The following NPEPPS variants were observed in gnomAD, a reference collection of about 807,000 sequenced individuals.
The protein encoded by NPEPPS is aminopeptidase puromycin sensitive, also known as puromycin-sensitive aminopeptidase.
NPEPPS carries 14 observed loss-of-function variants against 115.5 expected under a neutral mutation model. That is an observed-to-expected ratio of 0.12 (90% confidence interval 0.08 to 0.19). The LOEUF is 0.19. NPEPPS is among the 10% of genes least tolerant of loss of function. NPEPPS has a pLI of 1.00. For synonymous variants in NPEPPS, 285 were observed against 390.6 expected, an observed-to-expected ratio of 0.73 and a Z score of 3.19; for missense variants, 523 against 1,110.8, an observed-to-expected ratio of 0.47 and a Z score of 7.52.
At chr17:47,557,505 C>T (rs1251340151) in intron 2 of NPEPPS, 9 of 147,672 alleles carry the variant, frequency 6.1e-5, no homozygotes, top group Admixed American at 2.7e-4. Flanking sequence ...CTTCACTTGA[C>T]TACCCTTAAA....
At chr17:47,597,672 G>A (rs1304378631) in intron 13 of NPEPPS, among the ~76,000 whole-genome samples, 3 of 152,106 alleles carry the variant, frequency 2.0e-5, no homozygotes, top group East Asian at 1.9e-4. Context: ...CCCAGCCAAA[G>A]CCAAGTATGT....
chr17:47,585,872 C>T (rs922928868), intron 6 of NPEPPS, 172 bp downstream of exon 6: 4 of 637,336 alleles, frequency 6.3e-6, no homozygotes, highest in Non-Finnish European at 1.1e-5. Flanking sequence ...CATTATTTTA[C>T]AAAATAATAA....
At chr17:47,613,644 A>C in intron 18 of NPEPPS, 25 bp from the exon 19 acceptor site, 1 of 1,569,746 alleles carries the variant, frequency 6.4e-7, no homozygotes, top group Non-Finnish European at 8.8e-7. Context: ...ATTTAATCAA[A>C]TGACTTATTT....
Position 47,585,651 on chromosome 17 carries a change from G to A in NPEPPS, c.800G>A (p.Arg267His). ...AGGTCAAAAGATGGTGTGTGTGTCC[G>A]TGTTTACACTCCTGTTGGCAAAGCA... ...ETRSKDGVCV[R>H]VYTPVGKAEQ... Residue 267 changes from arginine (R) to histidine (H), a missense_variant, in exon 6 of 23, where the codon CGT becomes CAT. Transcript: ENST00000322157. 3.1e-6 allele frequency: 5 copies of A among 1,613,916 alleles called. No individual in the cohort carries two copies. Among genetic ancestry groups the A allele is most frequent in the Non-Finnish European group, 4.2e-6 (5 of 1,179,878 alleles).
In NPEPPS at chr17:47,602,957, TAAAG is replaced by T. The variant is rs141427356; in HGVS notation, c.1741-957_1741-954del. On this transcript the variant is annotated intron_variant, in intron 15 of 22. Transcript: ENST00000322157. ...ACACTACAATTTTGATTAGGTTAAA[TAAAG>T]GGAATCAATAAAGTGATAGTTGCGT... is the stretch of plus-strand genomic sequence containing the variant. 5.8e-3 allele frequency among the ~76,000 whole-genome samples: 882 copies of T among 152,200 alleles called. 10 individuals are homozygous for T. Among genetic ancestry groups the T allele is most frequent in the African/African-American group, 0.02 (820 of 41,538 alleles).
chr17:47,608,426 C>T (rs1487282636), intron 17 of NPEPPS, among the ~76,000 whole-genome samples: 3 of 148,468 alleles, frequency 2.0e-5, no homozygotes, highest in Non-Finnish European at 4.4e-5. Flanking sequence ...TGCGCTCCAG[C>T]CTGGGCAACA....
chr17:47,618,556 A>T, intron 20 of NPEPPS, 99 bp downstream of exon 20: 1 of 754,490 alleles, frequency 1.3e-6, no homozygotes, highest in Non-Finnish European at 2.2e-6. Flanking sequence ...CCTTAACCCT[A>T]ACTAAAGCTT....
At chr17:47,611,198 G>A (rs1225714509) in intron 17 of NPEPPS, among the ~76,000 whole-genome samples, 9 of 151,858 alleles carry the variant, frequency 5.9e-5, no homozygotes, top group Middle Eastern at 3.4e-3. Context: ...AGTGGCTCAC[G>A]CTTGTAATCC....
At chr17:47,524,032 G>T (rs1003609797) in intron 1 of NPEPPS, among the ~76,000 whole-genome samples, 1 of 150,920 alleles carries the variant, frequency 6.6e-6, no homozygotes, top group African/African-American at 2.4e-5. Context: ...TCGGCCGAGC[G>T]CAGTGGCTCA....
intron 22 of NPEPPS, chr17:47,620,015 C>A: frequency 2.4e-6 from 1 of 409,088 alleles, no homozygotes; most frequent in Non-Finnish European, 4.5e-6. Flanking sequence ...GGTGGATCAC[C>A]TGAGGTCAGG....
chr17:47,556,281 ACTCTTAACGAGCATG>A (rs1437557878), intron 2 of NPEPPS, among the ~76,000 whole-genome samples: 1 of 149,228 alleles, frequency 6.7e-6, no homozygotes, highest in Non-Finnish European at 1.5e-5. Context: ...AGTGGTGATG[ACTCTTAACGAGCATG>A]CTACCTTCAA....
chr17:47,603,728 T>A, intron 15 of NPEPPS, 187 bp from the exon 16 acceptor site: 1 of 463,002 alleles, frequency 2.2e-6, no homozygotes, highest in Non-Finnish European at 3.7e-6. Flanking sequence ...AAGTTTCCCT[T>A]TTCTTTTGTC....
chr17:47,590,084 A>C (rs559050564), intron 9 of NPEPPS, among the ~76,000 whole-genome samples: 2 of 152,142 alleles, frequency 1.3e-5, no homozygotes, highest in South Asian at 4.1e-4. Context: ...TAATCCCAGC[A>C]CTTTGGCAGG....
At chr17:47,534,999 C>A (rs1335249449) in intron 1 of NPEPPS, among the ~76,000 whole-genome samples, 1 of 151,802 alleles carries the variant, frequency 6.6e-6, no homozygotes, top group Non-Finnish European at 1.5e-5. Context: ...AATCCCAGCA[C>A]TCTGGGAGGC....
At chr17:47,599,031 G>A (rs146251838) in intron 13 of NPEPPS, among the ~76,000 whole-genome samples, 6,725 of 152,162 alleles carry the variant, frequency 0.044, 217 homozygotes, top group Middle Eastern at 0.16. Flanking sequence ...GAAATTAAAG[G>A]CCTGTCTGTT....
intron 16 of NPEPPS, among the ~76,000 whole-genome samples, chr17:47,604,513 T>G (rs779588550): frequency 2.0e-5 from 3 of 152,228 alleles, no homozygotes; most frequent in Non-Finnish European, 4.4e-5. Context: ...CAGAAAGGAT[T>G]TAAAGCAGCA....
intron 17 of NPEPPS, among the ~76,000 whole-genome samples, 197 bp from the exon 18 acceptor site, chr17:47,612,263 C>T (rs1196411114): frequency 6.6e-6 from 1 of 152,072 alleles, no homozygotes; most frequent in Non-Finnish European, 1.5e-5. Context: ...ACTTTATTTG[C>T]TTGTCTAGTC....
intron 17 of NPEPPS, among the ~76,000 whole-genome samples, chr17:47,608,814 A>C (rs1195528742): frequency 6.6e-6 from 1 of 152,202 alleles, no homozygotes; most frequent in Non-Finnish European, 1.5e-5. Flanking sequence ...ACAGTAGATG[A>C]AGGCAGAGGG....
chr17:47,523,462 C>G (rs2143626690), intron 1 of NPEPPS, among the ~76,000 whole-genome samples: 1 of 151,564 alleles, frequency 6.6e-6, no homozygotes, highest in Non-Finnish European at 1.5e-5. Flanking sequence ...GTTTTGTCAC[C>G]CAGGCTGGAG....
Sources: gnomAD v4.1 joint callset for allele counts (sites outside exome capture counted in the v4.1 genomes callset) on GRCh38, gnomAD v4.1.1 for gene constraint, MANE v1.5 for transcripts, NCBI Gene and HGNC (gene_info 2026-07-23, HGNC 2026-07-21) for gene names.